RAD51B: variants seen among roughly 807,000 people sequenced by gnomAD.
RAD51B encodes RAD51 paralog B, also known as DNA repair protein RAD51 homolog 2.
RAD51B carries 38 observed loss-of-function variants against 42.2 expected under a neutral mutation model. That is an observed-to-expected ratio of 0.90 (90% CI 0.70 to 1.18). RAD51B has a LOEUF of 1.18. Ranked by LOEUF, RAD51B falls within the 50% of genes most tolerant of loss-of-function variation. RAD51B has a pLI of 0.00. For missense variants in RAD51B, 373 were observed against 400.7 expected, an observed-to-expected ratio of 0.93 and a Z score of 0.59; for synonymous variants, 154 against 145.2, an observed-to-expected ratio of 1.06 and a Z score of -0.43.
intron 7 of RAD51B, among the ~76,000 whole-genome samples, chr14:68,143,778 G>T (rs191098256): frequency 6.6e-6 from 1 of 152,156 alleles, no homozygotes; most frequent in Non-Finnish European, 1.5e-5. Flanking sequence ...GAAGCGCAGG[G>T]TGGTTGGCAT....
At chr14:68,601,991 C>T (rs1891237685) in intron 10 of RAD51B, among the ~76,000 whole-genome samples, 1 of 152,272 alleles carries the variant, frequency 6.6e-6, no homozygotes, top group East Asian at 1.9e-4. Flanking sequence ...CACTGCCACC[C>T]CCTCTGTGCA....
At chr14:67,828,383 G>A (rs8012974) in intron 3 of RAD51B, among the ~76,000 whole-genome samples, 44,055 of 151,370 alleles carry the variant, frequency 0.29, 6,809 homozygotes, top group Middle Eastern at 0.43. Context: ...TCCTTATAGA[G>A]TCTGGATATT....
intron 7 of RAD51B, among the ~76,000 whole-genome samples, chr14:68,168,702 A>G (rs1377164858): frequency 2.0e-5 from 3 of 152,162 alleles, no homozygotes; most frequent in African/African-American, 4.8e-5. Context: ...GACAGTTTAA[A>G]AGCATAGTTC....
Position 68,632,696 on chromosome 14 carries a change from G to A in RAD51B, c.1037-18085G>A, listed in dbSNP as rs571696662. 4.6e-5 allele frequency among the ~76,000 whole-genome samples: 7 copies of A among 152,280 alleles called. No homozygotes were observed. The East Asian group carries it at 1.4e-3, about 29-fold the overall frequency. On this transcript the variant is annotated intron_variant, in intron 10 of 11. Coordinates refer to the RAD51B transcript ENST00000488612. ...TTGGCTGTGACGATGGGAAGCAACT[G>A]TCCAAAAAGCCTGAGGGGAGCCAGC... is the stretch of plus-strand genomic sequence containing the variant.
intron 7 of RAD51B, among the ~76,000 whole-genome samples, chr14:68,096,416 A>G (rs916937703): frequency 6.6e-6 from 1 of 152,222 alleles, no homozygotes; most frequent in Non-Finnish European, 1.5e-5. Flanking sequence ...TTTCAGGCCA[A>G]GTCGTACCGT....
chr14:67,942,213 A>T (rs1203682349), intron 7 of RAD51B, among the ~76,000 whole-genome samples: 1 of 152,190 alleles, frequency 6.6e-6, no homozygotes, highest in Non-Finnish European at 1.5e-5. Flanking sequence ...AATATGAGGC[A>T]GTGTGCTTGG....
At chr14:68,527,527 C>T (rs1005953402) in intron 10 of RAD51B, among the ~76,000 whole-genome samples, 1 of 152,242 alleles carries the variant, frequency 6.6e-6, no homozygotes, top group Non-Finnish European at 1.5e-5. Flanking sequence ...AGAAGTAGCA[C>T]ATTGTAGGAG....
chr14:68,402,715 A>G (rs2084145263), intron 8 of RAD51B, among the ~76,000 whole-genome samples: 1 of 152,226 alleles, frequency 6.6e-6, no homozygotes, highest in South Asian at 2.1e-4. Flanking sequence ...CAGCGCATGG[A>G]GTGGTGCATT....
At chr14:67,829,463 C>T (rs967186385) in intron 3 of RAD51B, among the ~76,000 whole-genome samples, 2 of 152,010 alleles carry the variant, frequency 1.3e-5, no homozygotes, top group Non-Finnish European at 2.9e-5. Flanking sequence ...AGGATGGTCT[C>T]GATCTCCTGA....
At chr14:68,297,808 G>A (rs1166424831) in intron 8 of RAD51B, among the ~76,000 whole-genome samples, 1 of 152,190 alleles carries the variant, frequency 6.6e-6, no homozygotes, top group Non-Finnish European at 1.5e-5. Flanking sequence ...GGAGAGAAGA[G>A]AATTGCTGAA....
intron 7 of RAD51B, among the ~76,000 whole-genome samples, chr14:68,124,762 G>A (rs962889138): frequency 6.6e-6 from 1 of 152,064 alleles, no homozygotes; most frequent in South Asian, 2.1e-4. Flanking sequence ...GACCAGCCTG[G>A]CCAACATGGT....
chr14:68,611,612 T>G, downstream of RAD51B: 1 of 362,418 alleles, frequency 2.8e-6, no homozygotes, highest in East Asian at 4.5e-5. Context: ...TAGTGTGTTT[T>G]GTAGAAGTTG....
intron 7 of RAD51B, among the ~76,000 whole-genome samples, chr14:68,047,032 C>T (rs576369799): frequency 6.6e-6 from 1 of 151,244 alleles, no homozygotes; most frequent in Admixed American, 6.6e-5. Flanking sequence ...ATCACAGTCT[C>T]ACTGCTGGAG....
chr14:68,593,485 A>G (rs4899246), intron 10 of RAD51B, among the ~76,000 whole-genome samples: 30,313 of 152,140 alleles, frequency 0.2, 3,192 homozygotes, highest in Non-Finnish European at 0.23. Context: ...GTAGGAACTG[A>G]TTAGGGCCTG....
chr14:68,032,037 G>A (rs201085983), intron 7 of RAD51B, among the ~76,000 whole-genome samples: 1 of 83,982 alleles, frequency 1.2e-5, no homozygotes, highest in East Asian at 2.4e-4. Flanking sequence ...ATCAGGCTTT[G>A]TGTCTGATTT....
intron 7 of RAD51B, among the ~76,000 whole-genome samples, chr14:68,213,799 G>A (rs1428464468): frequency 2.0e-5 from 3 of 152,066 alleles, no homozygotes; most frequent in Non-Finnish European, 2.9e-5. Flanking sequence ...ATCCTAAGAG[G>A]AAAAACGGTG....
intron 10 of RAD51B, among the ~76,000 whole-genome samples, chr14:68,504,123 A>G (rs1311975100): frequency 6.6e-6 from 1 of 152,172 alleles, no homozygotes; most frequent in Admixed American, 6.5e-5. Context: ...TTCCGGTACC[A>G]GAAGCTTTAG....
chr14:67,821,323 A>G (rs1030203310), intron 1 of RAD51B, among the ~76,000 whole-genome samples: 1 of 152,232 alleles, frequency 6.6e-6, no homozygotes, highest in Non-Finnish European at 1.5e-5. Context: ...GGAGTAAATT[A>G]AGGAACAAAT....
In RAD51B at chr14:68,264,278, C is replaced by T. The variant is rs187471595; in HGVS notation, c.757-27606C>T. ...AACATGCCTATCCCATTTGGGACTA[C>T]TCTAAAGGAAATAGGAATGCCTAAA... is the stretch of plus-strand genomic sequence containing the variant. On this transcript the variant is annotated intron_variant, in intron 7 of 10. Coordinates refer to ENST00000471583, the MANE Select transcript of RAD51B (RefSeq NM_133510.4). Among the ~76,000 whole-genome samples the T allele has an allele frequency of 2.0e-5, 3 of 152,304 alleles. No individual in the cohort carries two copies. The South Asian group carries it at 6.2e-4, about 32-fold the overall frequency.
Sources: gnomAD v4.1 joint callset for allele counts (sites outside exome capture counted in the v4.1 genomes callset) on GRCh38, gnomAD v4.1.1 for gene constraint, MANE v1.5 for transcripts, NCBI Gene and HGNC (gene_info 2026-07-23, HGNC 2026-07-21) for gene names.